Variants in ADAMTS6 observed in about 807,000 individuals in gnomAD.
ADAMTS6 encodes the protein A disintegrin and metalloproteinase with thrombospondin motifs 6.
Under a neutral mutation model 144.3 loss-of-function variants are expected in ADAMTS6, and 23 were observed. The ratio of observed to expected loss-of-function variants is 0.16; its 90% CI spans 0.11 to 0.23. The LOEUF (loss-of-function observed/expected upper bound fraction) is 0.23, where lower values mean the gene tolerates loss of function less well. Among genes scored for constraint, ADAMTS6 ranks in the 10% least tolerant of loss-of-function variants. The pLI, the probability that ADAMTS6 is intolerant of heterozygous loss-of-function variation, is 1.00. For missense variants in ADAMTS6, 999 were observed against 1,379.6 expected, an observed-to-expected ratio of 0.72 and a Z score of 4.37; for synonymous variants, 444 against 457.5, an observed-to-expected ratio of 0.97 and a Z score of 0.38.
intron 9 of ADAMTS6, among the ~76,000 whole-genome samples, chr5:65,316,993 G>A (rs764071913): frequency 4.6e-5 from 7 of 152,022 alleles, no homozygotes; most frequent in Non-Finnish European, 8.8e-5. Context: ...AGAAGAGATG[G>A]GGTTTCACCA....
chr5:65,177,866 G>C (rs1412620656), intron 22 of ADAMTS6, among the ~76,000 whole-genome samples: 1 of 151,590 alleles, frequency 6.6e-6, no homozygotes, highest in African/African-American at 2.4e-5. Flanking sequence ...CCAGGCGTGG[G>C]CTGCATGGTA....
At chr5:65,254,640 T>C (rs1461277824) in intron 14 of ADAMTS6, among the ~76,000 whole-genome samples, 4 of 152,198 alleles carry the variant, frequency 2.6e-5, no homozygotes, top group Non-Finnish European at 4.4e-5. Flanking sequence ...ACGGTCATCA[T>C]GTGCAGTCCA....
At chr5:65,446,276 A>G (rs1241393315) in intron 7 of ADAMTS6, among the ~76,000 whole-genome samples, 1 of 152,158 alleles carries the variant, frequency 6.6e-6, no homozygotes, top group African/African-American at 2.4e-5. Flanking sequence ...AAATAAGAAA[A>G]CTTGTTTAAA....
In ADAMTS6 at chr5:65,460,323, T is replaced by C; in HGVS notation, c.478A>G (p.Thr160Ala). Residue 160 changes from threonine (T) to alanine (A), a missense_variant, in exon 4 of 25, where the codon ACA (threonine) becomes GCA (alanine). Physicochemically the swap from Thr to Ala is moderately conservative, Grantham distance 58 (BLOSUM62 0). Transcript: ENST00000381055. Reference protein sequence around the residue: ...NCVGLHGVIATEDEEYFIEPL... With the variant: ...NCVGLHGVIAAEDEEYFIEPL... ...TCGATAAAATACTCTTCATCTTCTG[T>C]AGCAATAACACCATGCTAAAAGAAA... is the stretch of plus-strand genomic sequence containing the variant. 6.2e-7 allele frequency: 1 copy of C among 1,611,374 alleles called. No homozygotes were observed. Among genetic ancestry groups the C allele is most frequent in the South Asian group, 1.1e-5 (1 of 90,356 alleles).
chr5:65,453,374 G>A (rs2150251865), intron 4 of ADAMTS6, among the ~76,000 whole-genome samples: 1 of 152,218 alleles, frequency 6.6e-6, no homozygotes, highest in African/African-American at 2.4e-5. Flanking sequence ...TTTAAAATAA[G>A]ATGCTTTCAT....
intron 7 of ADAMTS6, among the ~76,000 whole-genome samples, chr5:65,415,027 C>T (rs1755382507): frequency 6.6e-6 from 1 of 152,118 alleles, no homozygotes; most frequent in South Asian, 2.1e-4. Context: ...TCAAAACACA[C>T]TATCAACAAA....
rs114084582 is a variant in ADAMTS6, at chr5:65,228,928, A to T, written c.1934-2709T>A. ...CTCCATGGACTCTGTTGGGAAGCCA[A>T]CTCATGAGCCATTTGAGATGTTTTG... On this transcript the variant is annotated intron_variant, in intron 15 of 24. Transcript: ENST00000381055. Among the ~76,000 whole-genome samples, 718 of 152,272 alleles carry T rather than the reference A, an allele frequency of 4.7e-3. 7 individuals carry two copies. The highest frequency in any genetic ancestry group is 0.016 in the African/African-American group (679 of 41,556).
intron 7 of ADAMTS6, among the ~76,000 whole-genome samples, chr5:65,410,301 T>C (rs1008055682): frequency 3.3e-5 from 5 of 152,196 alleles, no homozygotes; most frequent in East Asian, 1.9e-4. Flanking sequence ...TTCAATCATG[T>C]TATACTTAAC....
chr5:65,230,340 A>C (rs1405290889), intron 15 of ADAMTS6, among the ~76,000 whole-genome samples: 1 of 113,146 alleles, frequency 8.8e-6, no homozygotes, highest in Admixed American at 1.0e-4. Flanking sequence ...TATATATATG[A>C]AATATATATA....
At chr5:65,174,264 T>C (rs541790921) in intron 22 of ADAMTS6, among the ~76,000 whole-genome samples, 8 of 152,164 alleles carry the variant, frequency 5.3e-5, no homozygotes, top group African/African-American at 1.9e-4. Context: ...GTCTGAGGGG[T>C]TTTGCCCGTG....
intron 9 of ADAMTS6, among the ~76,000 whole-genome samples, chr5:65,306,128 G>T (rs1218005110): frequency 1.3e-5 from 2 of 152,196 alleles, no homozygotes; most frequent in Admixed American, 1.3e-4. Context: ...TGGGGCCAAG[G>T]GGAACCAATG....
At chr5:65,354,247 ATTTCTACTGCTTCTGTGTC>A (rs1749118837) in intron 7 of ADAMTS6, among the ~76,000 whole-genome samples, 1 of 151,804 alleles carries the variant, frequency 6.6e-6, no homozygotes, top group African/African-American at 2.4e-5. Context: ...AGAGGCAATG[ATTTCTACTGCTTCTGTGTC>A]TTCCATAATA....
At chr5:65,197,246 G>A (rs1580021040) in intron 20 of ADAMTS6, 95 bp from the exon 21 acceptor site, 4 of 1,298,602 alleles carry the variant, frequency 3.1e-6, no homozygotes, top group South Asian at 1.6e-5. Context: ...TGACCTCACT[G>A]GATCGCTGCC....
chr5:65,406,518 G>A (rs564136624), intron 7 of ADAMTS6, among the ~76,000 whole-genome samples: 4 of 152,218 alleles, frequency 2.6e-5, no homozygotes, highest in South Asian at 2.1e-4. Context: ...TGGTGGATAA[G>A]CTTTTTGATG....
At chr5:65,473,486 A>C (rs1388244509) in intron 2 of ADAMTS6, 91 bp downstream of exon 2, 2 of 1,163,226 alleles carry the variant, frequency 1.7e-6, no homozygotes, top group Non-Finnish European at 2.5e-6. Flanking sequence ...ATATCCCAAA[A>C]AAAACTATCC....
intron 7 of ADAMTS6, among the ~76,000 whole-genome samples, chr5:65,434,070 T>C (rs1022693334): frequency 1.3e-5 from 2 of 152,186 alleles, no homozygotes; most frequent in Non-Finnish European, 2.9e-5. Context: ...TATTTGACCA[T>C]AAAAAGTAAT....
Position 65,262,797 on chromosome 5 carries a change from G to T in ADAMTS6, c.1766+20C>A. ...CCAACTGTGTCTTTTTGTTGGCTCC[G>T]GCTTACTTTAGCTACTTACGCTGGA... On this transcript the variant is annotated intron_variant, in intron 13 of 24. Coordinates refer to ENST00000381055, the MANE Select transcript of ADAMTS6 (RefSeq NM_197941.4). 6.8e-7 allele frequency: 1 copy of T among 1,481,336 alleles called. No homozygotes were observed. Among genetic ancestry groups the T allele is most frequent in the Non-Finnish European group, 8.9e-7 (1 of 1,118,908 alleles). 91.8% of individuals were successfully genotyped at this position (1,481,336 alleles called of 1,614,324 possible).
In ADAMTS6 at chr5:65,209,143, G is replaced by C. The variant is rs114843434; in HGVS notation, c.2575+5651C>G. Among the ~76,000 whole-genome samples the C allele has an allele frequency of 4.3e-3, 661 of 152,290 alleles. 3 individuals are homozygous for C. Among genetic ancestry groups the C allele is most frequent in the African/African-American group, 0.015 (630 of 41,566 alleles). On this transcript the variant is annotated intron_variant, in intron 20 of 24. Coordinates refer to ENST00000381055, the MANE Select transcript of ADAMTS6 (RefSeq NM_197941.4). The stretch of plus-strand genomic sequence containing the variant: ...GTTATTTGAAACTTTAGAAGTCACA[G>C]TGCATAGGTATACTGGCATAAATTA...
At chr5:65,442,037 T>A (rs1338550526) in intron 7 of ADAMTS6, among the ~76,000 whole-genome samples, 3 of 127,836 alleles carry the variant, frequency 2.3e-5, no homozygotes, top group East Asian at 2.4e-4. Flanking sequence ...ACAAACAAAA[T>A]AAGCCTGAAC....
Sources: gnomAD v4.1 joint callset for allele counts (sites outside exome capture counted in the v4.1 genomes callset) on GRCh38, gnomAD v4.1.1 for gene constraint, MANE v1.5 for transcripts, NCBI Gene and HGNC (gene_info 2026-07-23, HGNC 2026-07-21) for gene names.